The following GMDS variants were observed in gnomAD, a reference collection of about 807,000 sequenced individuals.
The protein encoded by GMDS is GDP-mannose 4,6-dehydratase.
A neutral mutation model predicts 49.9 loss-of-function variants in GMDS; 20 were observed. The ratio of observed to expected loss-of-function variants is 0.40; its 90% CI spans 0.28 to 0.58. The LOEUF is 0.58. GMDS is among the 20% of genes least tolerant of loss of function. The pLI is 0.42. For missense variants in GMDS, 362 were observed against 481.4 expected, an observed-to-expected ratio of 0.75 and a Z score of 2.32; for synonymous variants, 177 against 178.6, an observed-to-expected ratio of 0.99 and a Z score of 0.07.
At chr6:1,944,704 C>T (rs944687780) in intron 6 of GMDS, among the ~76,000 whole-genome samples, 1 of 147,636 alleles carries the variant, frequency 6.8e-6, no homozygotes, top group Non-Finnish European at 1.5e-5. Context: ...ATTTCACGTT[C>T]GAAGTAACTT....
chr6:2,006,902 G>A (rs898170583), intron 4 of GMDS, among the ~76,000 whole-genome samples: 3 of 152,222 alleles, frequency 2.0e-5, no homozygotes, highest in Non-Finnish European at 4.4e-5. Flanking sequence ...GCCCTCAAAT[G>A]CAGATGTGTT....
intron 1 of GMDS, among the ~76,000 whole-genome samples, chr6:2,167,044 C>G (rs1156654835): frequency 6.6e-6 from 1 of 152,240 alleles, no homozygotes; most frequent in Non-Finnish European, 1.5e-5. Context: ...TTCAAGGCCA[C>G]TGTTTCTCCC....
At chr6:1,735,698 T>C (rs370855625) in intron 8 of GMDS, among the ~76,000 whole-genome samples, 23 of 152,178 alleles carry the variant, frequency 1.5e-4, no homozygotes, top group African/African-American at 5.6e-4. Context: ...CTTCCTATCA[T>C]CCGTATCTCC....
At chr6:1,802,661 G>A (rs559118426) in intron 7 of GMDS, among the ~76,000 whole-genome samples, 16 of 152,368 alleles carry the variant, frequency 1.1e-4, no homozygotes, top group South Asian at 4.1e-4. Context: ...CCTACAGGGC[G>A]GCACAGTAAG....
At chr6:2,034,903 CA>C (rs1769198673) in intron 4 of GMDS, among the ~76,000 whole-genome samples, 1 of 152,124 alleles carries the variant, frequency 6.6e-6, no homozygotes, top group African/African-American at 2.4e-5. Context: ...TTCCCAAGGT[CA>C]AGCAACCACT....
chr6:1,770,253 T>C (rs1397740865), intron 7 of GMDS, among the ~76,000 whole-genome samples: 2 of 152,188 alleles, frequency 1.3e-5, no homozygotes, highest in African/African-American at 2.4e-5. Context: ...CTTGAGGAAA[T>C]TCACAGACAG....
At chr6:2,204,081 T>C (rs955962685) in intron 1 of GMDS, among the ~76,000 whole-genome samples, 7 of 152,224 alleles carry the variant, frequency 4.6e-5, no homozygotes, top group Admixed American at 2.0e-4. Flanking sequence ...GCATCCTAGT[T>C]GTCTTTATTT....
intron 9 of GMDS, among the ~76,000 whole-genome samples, chr6:1,656,688 T>C (rs1349818059): frequency 1.3e-5 from 2 of 151,404 alleles, no homozygotes; most frequent in African/African-American, 4.9e-5. Flanking sequence ...CGCTTGAACC[T>C]GGGAGGTAAA....
intron 1 of GMDS, among the ~76,000 whole-genome samples, chr6:2,183,933 T>C (rs1778665509): frequency 6.6e-6 from 1 of 152,238 alleles, no homozygotes; most frequent in Non-Finnish European, 1.5e-5. Context: ...AATGCTACTG[T>C]ACACTTAATA....
chr6:1,831,721 C>T (rs988946022), intron 7 of GMDS, among the ~76,000 whole-genome samples: 3 of 152,224 alleles, frequency 2.0e-5, no homozygotes, highest in East Asian at 1.9e-4. Context: ...TCTGAAGGAG[C>T]TGAAGCCTGC....
chr6:2,026,747 T>C (rs1384703631), intron 4 of GMDS, among the ~76,000 whole-genome samples: 1 of 152,222 alleles, frequency 6.6e-6, no homozygotes, highest in Non-Finnish European at 1.5e-5. Flanking sequence ...GAACCCAGTG[T>C]CTGTGGATGA....
intron 4 of GMDS, among the ~76,000 whole-genome samples, chr6:2,045,348 T>C (rs1254314903): frequency 3.3e-5 from 5 of 152,006 alleles, no homozygotes; most frequent in Non-Finnish European, 7.4e-5. Flanking sequence ...TATATATTAC[T>C]GCTTAATGTT....
intron 1 of GMDS, among the ~76,000 whole-genome samples, chr6:2,239,749 G>A (rs920911576): frequency 3.3e-5 from 5 of 150,874 alleles, no homozygotes; most frequent in South Asian, 4.2e-4. Context: ...GCAGTGGCAC[G>A]ATCTCGGCTC....
At chr6:2,068,259 C>T (rs1414369753) in intron 4 of GMDS, among the ~76,000 whole-genome samples, 11 of 152,040 alleles carry the variant, frequency 7.2e-5, no homozygotes, top group African/African-American at 2.2e-4. Flanking sequence ...ATTGATGGGA[C>T]GTATTTCAAA....
intron 7 of GMDS, among the ~76,000 whole-genome samples, chr6:1,868,778 A>G (rs1374893619): frequency 6.6e-6 from 1 of 152,208 alleles, no homozygotes; most frequent in Non-Finnish European, 1.5e-5. Flanking sequence ...ATGGTTGTGA[A>G]TTCAGAGGCT....
intron 4 of GMDS, among the ~76,000 whole-genome samples, chr6:2,062,197 C>T (rs912359707): frequency 6.6e-6 from 1 of 152,124 alleles, no homozygotes; most frequent in African/African-American, 2.4e-5. Flanking sequence ...TTCTTAGTGG[C>T]CCAAGAGAAG....
intron 9 of GMDS, among the ~76,000 whole-genome samples, chr6:1,710,366 C>A (rs1295704295): frequency 1.3e-5 from 2 of 152,220 alleles, no homozygotes; most frequent in African/African-American, 2.4e-5. Context: ...TGATCAGATG[C>A]CTAAAACAGC....
At chr6:2,075,902 A>C (rs1187011423) in intron 4 of GMDS, among the ~76,000 whole-genome samples, 2 of 152,110 alleles carry the variant, frequency 1.3e-5, no homozygotes, top group Admixed American at 1.3e-4. Context: ...ATTTCTCCAC[A>C]TCCTCTCCAG....
chr6:1,840,760 T>G (rs968614424), intron 7 of GMDS, among the ~76,000 whole-genome samples: 3 of 152,160 alleles, frequency 2.0e-5, no homozygotes, highest in Non-Finnish European at 4.4e-5. Flanking sequence ...AAAACTGGCA[T>G]GTGACTCTGC....
Sources: gnomAD v4.1 joint callset for allele counts (sites outside exome capture counted in the v4.1 genomes callset) on GRCh38, gnomAD v4.1.1 for gene constraint, MANE v1.5 for transcripts, NCBI Gene and HGNC (gene_info 2026-07-23, HGNC 2026-07-21) for gene names.